The following TBC1D5 variants were observed in gnomAD, a reference collection of about 807,000 sequenced individuals.
TBC1D5 encodes TBC1 domain family, member 5.
A neutral mutation model predicts 100.3 loss-of-function variants in TBC1D5; 75 were observed. The observed-to-expected ratio is 0.75, with a 90% CI of 0.62 to 0.91. TBC1D5 has a LOEUF of 0.91. TBC1D5 is among the 40% of genes least tolerant of loss of function. The probability of loss-of-function intolerance (pLI) is 0.00; values close to 1 mark genes in which losing one functional copy is unlikely to be tolerated. For synonymous variants in TBC1D5, 323 were observed against 325.6 expected (o/e 0.99, Z 0.09); for missense variants, 910 against 942.4 (o/e 0.97, Z 0.45).
chr3:17,710,832 G>T (rs1240905474), intron 1 of TBC1D5, among the ~76,000 whole-genome samples: 1 of 151,958 alleles, frequency 6.6e-6, no homozygotes, highest in African/African-American at 2.4e-5. Flanking sequence ...TGAGTAGCTA[G>T]GATTACAGGC....
intron 15 of TBC1D5, among the ~76,000 whole-genome samples, chr3:17,265,143 C>T (rs1278437439): frequency 3.3e-5 from 5 of 152,046 alleles, no homozygotes. Context: ...CATTTGTTTG[C>T]TAGCATATGA....
chr3:17,234,977 C>T (rs540185471), intron 17 of TBC1D5, among the ~76,000 whole-genome samples: 22 of 152,164 alleles, frequency 1.4e-4, no homozygotes, highest in Non-Finnish European at 2.4e-4. Flanking sequence ...TGGAAATGGG[C>T]CCCAGATTTT....
At chr3:17,324,814 G>A (rs528206161) in intron 13 of TBC1D5, among the ~76,000 whole-genome samples, 1 of 152,178 alleles carries the variant, frequency 6.6e-6, no homozygotes, top group South Asian at 2.1e-4. Flanking sequence ...CCTCATCAAA[G>A]AAGTGGTATG....
chr3:17,513,448 G>A (rs1309769550), intron 2 of TBC1D5, among the ~76,000 whole-genome samples: 3 of 152,110 alleles, frequency 2.0e-5, no homozygotes, highest in Middle Eastern at 3.4e-3. Context: ...CTTTTAAAAT[G>A]GCACCACATG....
intron 13 of TBC1D5, among the ~76,000 whole-genome samples, chr3:17,342,032 C>T (rs538298579): frequency 6.6e-6 from 1 of 152,230 alleles, no homozygotes; most frequent in Admixed American, 6.5e-5. Flanking sequence ...AACTAGTCTC[C>T]CTGCTGCCAT....
chr3:17,320,480 T>G (rs913443726), intron 13 of TBC1D5, among the ~76,000 whole-genome samples: 4 of 152,222 alleles, frequency 2.6e-5, no homozygotes, highest in African/African-American at 9.6e-5. Context: ...GTTGGGATGC[T>G]GCCAAGAACC....
intron 1 of TBC1D5, among the ~76,000 whole-genome samples, chr3:17,712,588 C>G (rs1326775271): frequency 6.6e-6 from 1 of 152,206 alleles, no homozygotes; most frequent in Non-Finnish European, 1.5e-5. Context: ...GTTTAACATA[C>G]AGTCCTACTC....
In TBC1D5 at chr3:17,413,068, T is replaced by C. The variant is rs886295100; in HGVS notation, c.168-6542A>G. On this transcript the variant is annotated intron_variant, in intron 4 of 21. Coordinates refer to ENST00000253692, the Ensembl canonical transcript of TBC1D5. ...GTGTTTAGGTGTGCAAAACCTTAAA[T>C]GGAATGGATTAGCCACCTGGACCTT... is the stretch of plus-strand genomic sequence containing the variant. Among the ~76,000 whole-genome samples, 23 of 152,214 alleles carry C rather than the reference T, an allele frequency of 1.5e-4. 1 individual carries two copies. Among genetic ancestry groups the C allele is most frequent in the Non-Finnish European group, 7.3e-5 (5 of 68,044 alleles).
At chr3:17,572,402 C>T (rs2096632884) in intron 2 of TBC1D5, among the ~76,000 whole-genome samples, 1 of 151,854 alleles carries the variant, frequency 6.6e-6, no homozygotes, top group Non-Finnish European at 1.5e-5. Context: ...CAAACTTAAC[C>T]ACTTTAACTT....
chr3:17,593,177 T>C (rs113023296), intron 2 of TBC1D5, among the ~76,000 whole-genome samples: 7,769 of 152,130 alleles, frequency 0.051, 635 homozygotes, highest in African/African-American at 0.17. Flanking sequence ...CTATGATCAG[T>C]TGACAGAGGA....
At chr3:17,170,701 A>G (rs2125209273) in intron 19 of TBC1D5, among the ~76,000 whole-genome samples, 1 of 152,220 alleles carries the variant, frequency 6.6e-6, no homozygotes, top group African/African-American at 2.4e-5. Flanking sequence ...AAACCCAGAA[A>G]TGTACAGGAA....
intron 8 of TBC1D5, among the ~76,000 whole-genome samples, chr3:17,401,197 T>C: frequency 6.6e-6 from 1 of 151,574 alleles, no homozygotes. Flanking sequence ...GAGATACATT[T>C]TAAGAAAAAC....
At chr3:17,326,911 A>T (rs2086225847) in intron 13 of TBC1D5, among the ~76,000 whole-genome samples, 1 of 152,216 alleles carries the variant, frequency 6.6e-6, no homozygotes, top group African/African-American at 2.4e-5. Context: ...TGGAGTCTTC[A>T]TTGATTTCCC....
At chr3:17,318,299 G>A (rs997607430) in intron 13 of TBC1D5, among the ~76,000 whole-genome samples, 1 of 151,700 alleles carries the variant, frequency 6.6e-6, no homozygotes, top group African/African-American at 2.4e-5. Context: ...AATGGGTGCA[G>A]CACACCAACA....
At chr3:17,219,468 A>G (rs561187796) in intron 17 of TBC1D5, among the ~76,000 whole-genome samples, 1 of 135,786 alleles carries the variant, frequency 7.4e-6, no homozygotes, top group South Asian at 2.3e-4. Context: ...TGTGGGCCAT[A>G]CTTTCCTGTG....
intron 2 of TBC1D5, among the ~76,000 whole-genome samples, chr3:17,602,404 G>A (rs1010904942): frequency 5.3e-5 from 8 of 152,004 alleles, no homozygotes; most frequent in Non-Finnish European, 1.0e-4. Context: ...GATCCCTGGT[G>A]CTCAGTACTA....
Position 17,402,043 on chromosome 3 carries a change from C to A in TBC1D5, c.509+1138G>T, listed in dbSNP as rs1464865469. On this transcript the variant is annotated intron_variant, in intron 8 of 21. Coordinates refer to ENST00000253692, the Ensembl canonical transcript of TBC1D5. ...TCCTGAGTTAACTGGATAACTCAAG[C>A]TAACCAAAATCATCCCAAACTTCCC... Among the ~76,000 whole-genome samples the A allele has an allele frequency of 2.0e-5, 3 of 152,198 alleles. 1 individual carries two copies. The South Asian group carries it at 6.2e-4, about 32-fold the overall frequency.
intron 1 of TBC1D5, among the ~76,000 whole-genome samples, chr3:17,729,567 C>T (rs867351192): frequency 2.6e-5 from 4 of 151,948 alleles, no homozygotes; most frequent in Admixed American, 6.6e-5. Context: ...ATTAGCTGGG[C>T]GTTGTGGTAC....
chr3:17,223,910 C>CA (rs1233682964), intron 17 of TBC1D5, among the ~76,000 whole-genome samples: 3 of 150,982 alleles, frequency 2.0e-5, no homozygotes, highest in Admixed American at 6.6e-5. Flanking sequence ...AAAAACAAAA[C>CA]AAAACAAAAC....
Sources: allele counts gnomAD v4.1 joint callset (sites outside exome capture counted in the v4.1 genomes callset), GRCh38; gene constraint gnomAD v4.1.1; transcripts MANE v1.5; gene names NCBI Gene and HGNC (gene_info 2026-07-23, HGNC 2026-07-21).